CDH13: variants seen among roughly 807,000 people sequenced by gnomAD.
CDH13 encodes the protein cadherin 13, also known as cadherin-13.
A neutral mutation model predicts 63.8 loss-of-function variants in CDH13; 24 were observed. The observed-to-expected ratio is 0.38, with a 90% CI of 0.27 to 0.53. The LOEUF is 0.53. Among genes scored for constraint, CDH13 ranks in the 20% least tolerant of loss-of-function variants. The probability of loss-of-function intolerance (pLI) is 0.85; values close to 1 mark genes in which losing one functional copy is unlikely to be tolerated. For missense variants in CDH13, 1,049 were observed against 903.1 expected (o/e 1.16, Z -2.07); for synonymous variants, 503 against 355.3 (o/e 1.42, Z -4.67).
chr16:82,907,462 G>A (rs575415597), intron 2 of CDH13, among the ~76,000 whole-genome samples: 3 of 152,258 alleles, frequency 2.0e-5, no homozygotes, highest in African/African-American at 4.8e-5. Context: ...TGAATCTGAG[G>A]CTTGACCCAT....
At chr16:83,182,538 A>G (rs570197640) in intron 4 of CDH13, among the ~76,000 whole-genome samples, 48 of 152,322 alleles carry the variant, frequency 3.2e-4, no homozygotes, top group African/African-American at 1.1e-3. Context: ...ACCAGTCTCT[A>G]AGCTTTGTCC....
At chr16:83,769,841 T>C (rs1914644829) in intron 11 of CDH13, among the ~76,000 whole-genome samples, 1 of 151,918 alleles carries the variant, frequency 6.6e-6, no homozygotes, top group African/African-American at 2.4e-5. Flanking sequence ...AGAGGTTATT[T>C]TGCATTTCAA....
intron 1 of CDH13, among the ~76,000 whole-genome samples, chr16:82,757,057 C>T (rs953607675): frequency 6.6e-6 from 1 of 152,114 alleles, no homozygotes; most frequent in African/African-American, 2.4e-5. Flanking sequence ...TCCATGGGGA[C>T]ATTGACGCTC....
At chr16:83,107,480 T>G (rs1597349369) in intron 3 of CDH13, among the ~76,000 whole-genome samples, 2 of 152,234 alleles carry the variant, frequency 1.3e-5, no homozygotes, top group South Asian at 4.1e-4. Flanking sequence ...GGTAGACCAA[T>G]GCAGCCTTCT....
intron 3 of CDH13, among the ~76,000 whole-genome samples, chr16:83,058,159 A>T (rs2031145509): frequency 6.6e-6 from 1 of 152,164 alleles, no homozygotes; most frequent in Admixed American, 6.5e-5. Context: ...TTCATGAGTT[A>T]CGTCTTTTAT....
intron 1 of CDH13, among the ~76,000 whole-genome samples, chr16:82,740,556 C>CTG (rs762882251): frequency 6.6e-6 from 1 of 152,128 alleles, no homozygotes; most frequent in Non-Finnish European, 1.5e-5. Flanking sequence ...GCTCCATAGG[C>CTG]TGAGGGGTTG....
chr16:82,666,408 C>T (rs908446030), intron 1 of CDH13, among the ~76,000 whole-genome samples: 1 of 152,196 alleles, frequency 6.6e-6, no homozygotes, highest in Admixed American at 6.5e-5. Context: ...CCCTCCCTCT[C>T]CAATCAATGG....
At chr16:83,611,600 A>G (rs185058616) in intron 8 of CDH13, among the ~76,000 whole-genome samples, 2,342 of 151,968 alleles carry the variant, frequency 0.015, 31 homozygotes, top group Non-Finnish European at 0.025. Context: ...CTCCCTAGAA[A>G]TGATACTTTA....
rs143531061 is a variant in CDH13, at chr16:83,766,633, A to T, written c.1682-13335A>T. On this transcript the variant is annotated intron_variant, in intron 11 of 13. Transcript: ENST00000567109. ...TTGGGACAAGTGGCTGGAAAAGTCTACTACTTTCTAAGACTTCTCAGAGCT... is the reference window on the plus strand; with the variant it reads ...TTGGGACAAGTGGCTGGAAAAGTCTTCTACTTTCTAAGACTTCTCAGAGCT... 2.0e-3 allele frequency among the ~76,000 whole-genome samples: 311 copies of T among 152,316 alleles called. 1 individual carries two copies. Among genetic ancestry groups the T allele is most frequent in the African/African-American group, 7.0e-3 (289 of 41,566 alleles).
intron 7 of CDH13, among the ~76,000 whole-genome samples, chr16:83,524,177 C>A (rs2074903458): frequency 6.6e-6 from 1 of 152,130 alleles, no homozygotes. Context: ...GTTTGCACGA[C>A]AACCAAGAGA....
chr16:83,043,389 A>C (rs1917491836), intron 3 of CDH13, among the ~76,000 whole-genome samples: 2 of 152,174 alleles, frequency 1.3e-5, no homozygotes, highest in Admixed American at 6.5e-5. Flanking sequence ...ATAGAAATGT[A>C]ATGAAAGCCA....
intron 1 of CDH13, among the ~76,000 whole-genome samples, chr16:82,775,103 G>A (rs191439037): frequency 1.4e-4 from 22 of 152,304 alleles, no homozygotes; most frequent in African/African-American, 5.1e-4. Flanking sequence ...CCACTCACTT[G>A]GGACTGTGAG....
At position 83,524,586 on chromosome 16, in the gene CDH13, G is replaced by A. The variant is rs567300787; in HGVS notation, c.960+37931G>A. Among the ~76,000 whole-genome samples, 38 of 151,646 alleles carry A rather than the reference G, an allele frequency of 2.5e-4. No individual in the cohort carries two copies. In the South Asian group the frequency reaches 6.1e-3, roughly 24 times the overall value. On this transcript the variant is annotated intron_variant, in intron 7 of 13. Transcript: ENST00000567109. Reference sequence around the variant, plus strand: ...TCCTGCCTCAGCCTCCCAAGTAGCTGGGACTACAGGCACCTGCCACCACAC... The same window carrying A: ...TCCTGCCTCAGCCTCCCAAGTAGCTAGGACTACAGGCACCTGCCACCACAC...
At chr16:82,904,446 C>T (rs879812426) in intron 2 of CDH13, among the ~76,000 whole-genome samples, 1 of 152,144 alleles carries the variant, frequency 6.6e-6, no homozygotes, top group African/African-American at 2.4e-5. Context: ...CGTTGGTTCA[C>T]CTTGCTCTGA....
At chr16:82,672,477 T>C (rs62040577) in intron 1 of CDH13, among the ~76,000 whole-genome samples, 39,714 of 152,012 alleles carry the variant, frequency 0.26, 6,230 homozygotes, top group Non-Finnish European at 0.36. Flanking sequence ...TCACTGTATT[T>C]CTATCATTGA....
chr16:83,280,671 C>T (rs1012540714), intron 5 of CDH13, among the ~76,000 whole-genome samples: 9 of 125,252 alleles, frequency 7.2e-5, no homozygotes, highest in Non-Finnish European at 1.3e-4. Flanking sequence ...AATCATATGC[C>T]AGCTATGGCC....
At chr16:83,728,460 CT>C (rs1318189259) in intron 10 of CDH13, among the ~76,000 whole-genome samples, 1 of 151,958 alleles carries the variant, frequency 6.6e-6, no homozygotes, top group Non-Finnish European at 1.5e-5. Context: ...CAATGCAATT[CT>C]TTTTAGTGAG....
At chr16:82,652,505 C>T (rs1013307412) in intron 1 of CDH13, among the ~76,000 whole-genome samples, 3 of 152,154 alleles carry the variant, frequency 2.0e-5, no homozygotes, top group South Asian at 2.1e-4. Flanking sequence ...GAAGTTTGCT[C>T]AGTGATATGA....
intron 8 of CDH13, among the ~76,000 whole-genome samples, chr16:83,636,339 A>C (rs1442519837): frequency 6.6e-6 from 1 of 152,126 alleles, no homozygotes; most frequent in Non-Finnish European, 1.5e-5. Context: ...GCAGGAATAC[A>C]TGTGCAGGTT....
Sources: gnomAD v4.1 joint callset for allele counts (sites outside exome capture counted in the v4.1 genomes callset) on GRCh38, gnomAD v4.1.1 for gene constraint, MANE v1.5 for transcripts, NCBI Gene and HGNC (gene_info 2026-07-23, HGNC 2026-07-21) for gene names.